Variants in ZNF284 observed in about 807,000 individuals in gnomAD.
ZNF284 encodes the protein zinc finger protein 284.
Under a neutral mutation model 12.9 loss-of-function variants are expected in ZNF284, and 12 were observed. The ratio of observed to expected loss-of-function variants is 0.93; its 90% CI spans 0.60 to 1.51. The LOEUF (loss-of-function observed/expected upper bound fraction) is 1.51. Among genes scored for constraint, ZNF284 ranks in the 40% most tolerant of loss-of-function variants. ZNF284 has a pLI of 0.00. For missense variants in ZNF284, 667 were observed against 707.3 expected (o/e 0.94, Z 0.65); for synonymous variants, 225 against 236.5 (o/e 0.95, Z 0.45).
intron 1 of ZNF284, 35 bp from the exon 2 acceptor site, chr19:44,076,286 TC>T (rs1438483655): frequency 5.8e-6 from 7 of 1,204,324 alleles, no homozygotes; most frequent in Non-Finnish European, 7.1e-6. Flanking sequence ...CCTTCATGTC[TC>T]TTTTTTTTTT....
intron 1 of ZNF284, among the ~76,000 whole-genome samples, chr19:44,075,895 C>T (rs1371880859): frequency 6.6e-6 from 1 of 152,164 alleles, no homozygotes; most frequent in African/African-American, 2.4e-5. Flanking sequence ...AGTTGGACTC[C>T]TTGTGCCCAT....
At chr19:44,077,897 G>A (rs1458179662) in intron 2 of ZNF284, among the ~76,000 whole-genome samples, 3 of 152,024 alleles carry the variant, frequency 2.0e-5, no homozygotes, top group Admixed American at 6.5e-5. Flanking sequence ...ACCCCTCCTC[G>A]GGGGTCCTCT....
intron 2 of ZNF284, among the ~76,000 whole-genome samples, chr19:44,078,979 C>T (rs548726622): frequency 5.3e-5 from 8 of 151,944 alleles, no homozygotes; most frequent in African/African-American, 1.2e-4. Flanking sequence ...TTTGTAGAGA[C>T]GGAGTTTTGC....
At chr19:44,085,521 T>C (rs776975553) in intron 4 of ZNF284, among the ~76,000 whole-genome samples, 193 bp from the exon 5 acceptor site, 1 of 152,194 alleles carries the variant, frequency 6.6e-6, no homozygotes, top group Non-Finnish European at 1.5e-5. Context: ...AAGTCTTTCA[T>C]TTCTACCACG....
At chr19:44,082,336 C>A (rs139015286) in intron 4 of ZNF284, among the ~76,000 whole-genome samples, 15 of 152,274 alleles carry the variant, frequency 9.9e-5, no homozygotes, top group South Asian at 2.1e-4. Flanking sequence ...TGCCATTCCT[C>A]AGCTTAAAAG....
intron 1 of ZNF284, among the ~76,000 whole-genome samples, chr19:44,075,441 A>T (rs1967012442): frequency 6.6e-6 from 1 of 152,190 alleles, no homozygotes; most frequent in Non-Finnish European, 1.5e-5. Context: ...TAGTGGTGAG[A>T]TGTCCTTTTC....
rs558415710 is a variant in ZNF284, at chr19:44,083,994, C to T, written c.236-1720C>T. Among the ~76,000 whole-genome samples the T allele has an allele frequency of 5.3e-5, 8 of 152,208 alleles. No homozygotes were observed. In the East Asian group the frequency reaches 9.6e-4, roughly 18 times the overall value. The stretch of plus-strand genomic sequence containing the variant: ...TCCAGACAGCATGCTTGGGCACCTG[C>T]GGCAGGGTTCTGGGTCTGTTGTAAA... On this transcript the variant is annotated intron_variant, in intron 4 of 4. Transcript: ENST00000421176.
chr19:44,085,854 C>T lies in ZNF284; in HGVS notation c.376C>T (p.Gln126Ter). Residue 126 changes from glutamine to a stop codon, truncating the protein, a stop_gained, in exon 5 of 5, where the codon CAA becomes TAA. Coordinates refer to ENST00000421176, the MANE Select transcript of ZNF284 (RefSeq NM_001037813.4). LOFTEE classifies it low-confidence loss of function (END_TRUNC). ...DSISSSQFST[Q>*]GDVPSQVDAG... ...CATAAGTAGCTCTCAGTTCTCCACA[C>T]AAGGTGATGTCCCCTCCCAGGTTGA... The T allele has an allele frequency of 6.2e-7, 1 of 1,610,988 alleles. No homozygotes were observed. The highest frequency in any genetic ancestry group is 8.5e-7 in the Non-Finnish European group (1 of 1,177,244).
rs1338528513 is a variant in ZNF284 at position 44,089,340 on chromosome 19, T to A, written c.*2080T>A. The A allele has an allele frequency of 6.6e-6, 1 of 152,062 alleles. No homozygotes were observed. The highest frequency in any genetic ancestry group is 1.5e-5 in the Non-Finnish European group (1 of 68,024). The allele number at this position is 152,062 out of a possible 1,614,324, so 9.4% of individuals were successfully genotyped here. A position where few individuals can be genotyped will look rare whatever the true frequency, so the allele number is the denominator to read the frequency against. The stretch of plus-strand genomic sequence containing the variant: ...AAATAGTACACTGTTTCCACAAACT[T>A]GGGAAGGCTAGTATTTGGGGGTGGG... On this transcript the variant is annotated 3_prime_UTR_variant, in exon 5 of 5. Transcript: ENST00000421176.
intron 1 of ZNF284, among the ~76,000 whole-genome samples, chr19:44,073,043 C>G (rs1407039081): frequency 6.6e-6 from 1 of 152,180 alleles, no homozygotes; most frequent in East Asian, 1.9e-4. Context: ...AATAATTAAG[C>G]CTCAATTGGT....
At position 44,081,149 on chromosome 19, in the gene ZNF284, C is replaced by T; in HGVS notation, c.142+8C>T. The T allele has an allele frequency of 4.4e-6, 7 of 1,608,130 alleles. No individual in the cohort carries two copies. The highest frequency in any genetic ancestry group is 6.0e-6 in the Non-Finnish European group (7 of 1,176,292). On this transcript the variant is annotated splice_region_variant and intron_variant, in intron 3 of 4. Transcript: ENST00000421176. ...GAAACCTGCTATCAGTGGGTGAGCA[C>T]AGGCACCCTCTGTAATGGAACATCA...
intron 2 of ZNF284, among the ~76,000 whole-genome samples, chr19:44,076,659 C>T (rs953520650): frequency 4.6e-5 from 7 of 152,180 alleles, no homozygotes; most frequent in Admixed American, 2.0e-4. Flanking sequence ...CATCTTTTCT[C>T]ACTAATTAGG....
At chr19:44,075,601 G>A (rs531306475) in intron 1 of ZNF284, among the ~76,000 whole-genome samples, 3 of 152,120 alleles carry the variant, frequency 2.0e-5, no homozygotes, top group African/African-American at 4.8e-5. Flanking sequence ...TCCTTATGGG[G>A]AGATACATGA....
At position 44,087,359 on chromosome 19, in the gene ZNF284, CATTT is replaced by C. The variant is rs1442898932; in HGVS notation, c.*104_*107del. 5.4e-6 allele frequency: 5 copies of C among 922,508 alleles called. No individual in the cohort carries two copies. The highest frequency in any genetic ancestry group is 3.2e-5 in the Admixed American group (1 of 31,316). The allele number at this position is 922,508 out of a possible 1,614,324, so 57.1% of individuals were successfully genotyped here. Reference sequence around the variant, plus strand: ...TTAGCATATCCATCACCTCCTTTATCATTTATTTGTGGATCATTTATCATTTCTT... The same window carrying C: ...TTAGCATATCCATCACCTCCTTTATCATTTGTGGATCATTTATCATTTCTT... On this transcript the variant is annotated 3_prime_UTR_variant, in exon 5 of 5. Transcript: ENST00000421176.
chr19:44,080,367 C>T (rs1303848107), intron 2 of ZNF284, among the ~76,000 whole-genome samples: 1 of 152,152 alleles, frequency 6.6e-6, no homozygotes, highest in South Asian at 2.1e-4. Context: ...GAGGCCGAGG[C>T]CGGCAAATCG....
intron 1 of ZNF284, among the ~76,000 whole-genome samples, chr19:44,074,512 G>C (rs1221994169): frequency 6.6e-6 from 1 of 152,064 alleles, no homozygotes; most frequent in African/African-American, 2.4e-5. Flanking sequence ...TGTTCTTGCT[G>C]ATCACCCAGA....
Position 44,080,972 on chromosome 19 carries a change from T to A in ZNF284, c.16-43T>A, listed in dbSNP as rs373474496. ...CTCATTGCCACCCTTCTCCCAGGAA[T>A]CACTGGTCATGAGATTGAGATTGCA... On this transcript the variant is annotated intron_variant, in intron 2 of 4. Transcript: ENST00000421176. 41 of 1,589,120 alleles carry A rather than the reference T, an allele frequency of 2.6e-5. No individual in the cohort carries two copies. The African/African-American group carries it at 4.6e-4, about 18-fold the overall frequency.
At chr19:44,078,221 G>C (rs1967064410) in intron 2 of ZNF284, among the ~76,000 whole-genome samples, 1 of 152,110 alleles carries the variant, frequency 6.6e-6, no homozygotes, top group Admixed American at 6.6e-5. Flanking sequence ...ATTTGAAAAG[G>C]TGATAGTATT....
intron 1 of ZNF284, among the ~76,000 whole-genome samples, chr19:44,074,737 G>A (rs1168903751): frequency 2.0e-5 from 3 of 152,180 alleles, no homozygotes; most frequent in African/African-American, 7.2e-5. Context: ...GGGAGGCCGA[G>A]GCAGGTGGAT....
Sources: allele counts gnomAD v4.1 joint callset (sites outside exome capture counted in the v4.1 genomes callset), GRCh38; gene constraint gnomAD v4.1.1; transcripts MANE v1.5; gene names NCBI Gene and HGNC (gene_info 2026-07-23, HGNC 2026-07-21).